The following HIVEP2 variants were observed in gnomAD, a reference collection of about 807,000 sequenced individuals.
HIVEP2 encodes the protein transcription factor HIVEP2.
Under a neutral mutation model 180.7 loss-of-function variants are expected in HIVEP2, and 14 were observed. The observed-to-expected ratio is 0.08, with a 90% CI of 0.05 to 0.12. The LOEUF is 0.12. Ranked by LOEUF, HIVEP2 falls within the 10% of genes least tolerant of loss-of-function variation. HIVEP2 has a pLI of 1.00. For synonymous variants in HIVEP2, 1,184 were observed against 1,136.4 expected (o/e 1.04, Z -0.84); for missense variants, 2,579 against 3,008.5 (o/e 0.86, Z 3.34).
intron 2 of HIVEP2, among the ~76,000 whole-genome samples, chr6:142,825,351 A>G (rs776004307): frequency 1.3e-5 from 2 of 152,112 alleles, no homozygotes; most frequent in Non-Finnish European, 1.5e-5. Flanking sequence ...GAGTGGTGAA[A>G]CAGTGAAGGG....
At position 142,769,543 on chromosome 6, in the gene HIVEP2, A is replaced by G; in HGVS notation, c.5187+9T>C. ...AATACAAAGTTCTTCCTAAAACAGT[A>G]TTTGTTACCTGAGTAAACTGCTTCC... On this transcript the variant is annotated intron_variant, in intron 5 of 9. Coordinates refer to ENST00000367603, the MANE Select transcript of HIVEP2 (RefSeq NM_006734.4). The G allele has an allele frequency of 6.2e-7, 1 of 1,611,924 alleles. No individual in the cohort carries two copies. Among genetic ancestry groups the G allele is most frequent in the Non-Finnish European group, 8.5e-7 (1 of 1,178,376 alleles).
At position 142,771,480 on chromosome 6, in the gene HIVEP2, T is replaced by A; in HGVS notation, c.3259A>T (p.Ser1087Cys). ...KCFLVRQASF[S>C]GSPEISQGEV... ...CCCTGGGAGATTTCTGGGGAGCCAC[T>A]GAAGGAAGCTTGCCGCACCAGAAAG... Residue 1087 changes from serine to cysteine, a missense_variant, in exon 5 of 10, where the codon AGT becomes TGT. Coordinates refer to ENST00000367603, the MANE Select transcript of HIVEP2 (RefSeq NM_006734.4). The surrounding 1 kb of genome is among the most constrained non-coding windows in gnomAD (Gnocchi z 5.4). The A allele has an allele frequency of 6.2e-7, 1 of 1,613,606 alleles. No homozygotes were observed. Among genetic ancestry groups the A allele is most frequent in the South Asian group, 1.1e-5 (1 of 91,078 alleles).
At chr6:142,830,218 C>T (rs1429159603) in intron 2 of HIVEP2, among the ~76,000 whole-genome samples, 1 of 151,932 alleles carries the variant, frequency 6.6e-6, no homozygotes, top group African/African-American at 2.4e-5. Context: ...TAAAAATCCC[C>T]CTGCCTCCCC....
At chr6:142,882,969 T>C (rs1776609428) in intron 1 of HIVEP2, among the ~76,000 whole-genome samples, 1 of 152,052 alleles carries the variant, frequency 6.6e-6, no homozygotes, top group African/African-American at 2.4e-5. Context: ...CCATACTACA[T>C]TCAAATAGTC....
At chr6:142,921,447 A>C (rs75808003) in intron 1 of HIVEP2, among the ~76,000 whole-genome samples, 1 of 152,220 alleles carries the variant, frequency 6.6e-6, no homozygotes, top group South Asian at 2.1e-4. Flanking sequence ...AGGCACGAGA[A>C]TCGCTTGAAC....
At chr6:142,895,656 T>C (rs974588756) in intron 1 of HIVEP2, among the ~76,000 whole-genome samples, 7 of 152,234 alleles carry the variant, frequency 4.6e-5, no homozygotes, top group Admixed American at 1.3e-4. Context: ...CTTCACTCTC[T>C]AGACTTCAGC....
At chr6:142,862,128 C>T (rs185475023) in intron 1 of HIVEP2, among the ~76,000 whole-genome samples, 2 of 152,102 alleles carry the variant, frequency 1.3e-5, no homozygotes, top group Non-Finnish European at 2.9e-5. Context: ...TGTTAGCAGC[C>T]CTGCATTCTC....
intron 1 of HIVEP2, among the ~76,000 whole-genome samples, chr6:142,850,000 C>A (rs1006446917): frequency 1.3e-5 from 2 of 152,138 alleles, no homozygotes; most frequent in South Asian, 4.1e-4. Context: ...GAGTCAGACA[C>A]AAATCAGGTC....
intron 1 of HIVEP2, among the ~76,000 whole-genome samples, chr6:142,856,857 T>A (rs963695530): frequency 3.3e-5 from 5 of 152,194 alleles, no homozygotes; most frequent in African/African-American, 1.2e-4. Context: ...CAGCAGGAAG[T>A]GGAGGGGAAA....
At chr6:142,828,826 G>T (rs932488978) in intron 2 of HIVEP2, among the ~76,000 whole-genome samples, 1 of 152,112 alleles carries the variant, frequency 6.6e-6, no homozygotes, top group East Asian at 1.9e-4. Context: ...CTTGCACATG[G>T]CTGGCTTTCC....
chr6:142,805,195 G>T (rs1451957590), intron 2 of HIVEP2, among the ~76,000 whole-genome samples: 2 of 152,104 alleles, frequency 1.3e-5, no homozygotes, highest in Non-Finnish European at 2.9e-5. Context: ...GATGTCTTTA[G>T]GGAACTAGAG....
rs1359679322 is a variant in HIVEP2 at position 142,917,047 on chromosome 6, C to CTTCTAATAT, written c.-641+28043_-641+28051dup. 1.2e-4 allele frequency among the ~76,000 whole-genome samples: 18 copies of CTTCTAATAT among 152,266 alleles called. No homozygotes were observed. The East Asian group carries it at 3.1e-3, about 26-fold the overall frequency. ...TGTTAACTATATTTTAAATGCACTT[C>CTTCTAATAT]TTCTAATATTGTACTGTTAATAATT... On this transcript the variant is annotated intron_variant, in intron 1 of 9. Transcript: ENST00000367603.
intron 1 of HIVEP2, among the ~76,000 whole-genome samples, chr6:142,874,388 T>A (rs1277798147): frequency 2.0e-5 from 3 of 152,182 alleles, no homozygotes; most frequent in Non-Finnish European, 4.4e-5. Flanking sequence ...GTTGCTTTTT[T>A]AAAAAATCTA....
chr6:142,812,932 C>T (rs1372388809), intron 2 of HIVEP2, among the ~76,000 whole-genome samples: 24 of 152,030 alleles, frequency 1.6e-4, no homozygotes, highest in Admixed American at 1.4e-3. Flanking sequence ...CAAAGTGAAA[C>T]AGACAAAATA....
intron 1 of HIVEP2, among the ~76,000 whole-genome samples, chr6:142,843,447 G>A (rs555825384): frequency 1.3e-5 from 2 of 152,176 alleles, no homozygotes; most frequent in South Asian, 4.1e-4. Context: ...AGTTCTGTGG[G>A]GACTAGAGTG....
At chr6:142,792,103 A>C (rs1776151716) in intron 2 of HIVEP2, among the ~76,000 whole-genome samples, 1 of 151,960 alleles carries the variant, frequency 6.6e-6, no homozygotes, top group Non-Finnish European at 1.5e-5. Context: ...CACTGAGGTG[A>C]TGGTGGTGGC....
intron 1 of HIVEP2, among the ~76,000 whole-genome samples, chr6:142,871,112 G>C (rs1776280689): frequency 1.3e-5 from 2 of 152,128 alleles, no homozygotes; most frequent in South Asian, 4.1e-4. Context: ...CTTCTCCACT[G>C]AGATATTTAC....
At chr6:142,921,913 C>T (rs1023171272) in intron 1 of HIVEP2, among the ~76,000 whole-genome samples, 4 of 152,198 alleles carry the variant, frequency 2.6e-5, no homozygotes, top group Non-Finnish European at 4.4e-5. Context: ...TACATGCTGG[C>T]AATTTCCTAA....
chr6:142,937,877 G>C (rs977546394), intron 1 of HIVEP2, among the ~76,000 whole-genome samples: 67 of 152,274 alleles, frequency 4.4e-4, no homozygotes, highest in African/African-American at 1.5e-3. Flanking sequence ...ACGTAATGTG[G>C]AGAGAGAGCC....
Sources: allele counts gnomAD v4.1 joint callset (sites outside exome capture counted in the v4.1 genomes callset), GRCh38; gene constraint gnomAD v4.1.1; non-coding constraint Gnocchi (gnomAD v3.1); transcripts MANE v1.5; gene names NCBI Gene and HGNC (gene_info 2026-07-23, HGNC 2026-07-21).